Variants in EML1 observed in about 807,000 individuals in gnomAD.
EML1 encodes echinoderm microtubule-associated protein-like 1.
A neutral mutation model predicts 110.4 loss-of-function variants in EML1; 27 were observed. The observed-to-expected ratio is 0.24, with a 90% confidence interval of 0.18 to 0.34. The LOEUF (loss-of-function observed/expected upper bound fraction) is 0.34, where lower values mean the gene tolerates loss of function less well. EML1 is among the 10% of genes least tolerant of loss of function. The pLI is 1.00. For missense variants in EML1, 741 were observed against 1,030.9 expected, an observed-to-expected ratio of 0.72 and a Z score of 3.85; for synonymous variants, 344 against 385.8, an observed-to-expected ratio of 0.89 and a Z score of 1.27.
chr14:99,786,020 G>A (rs907578141), intron 1 of EML1, among the ~76,000 whole-genome samples: 1 of 147,178 alleles, frequency 6.8e-6, no homozygotes, highest in Non-Finnish European at 1.5e-5. Flanking sequence ...GCTAGTTCAC[G>A]GAAGTTCAAC....
At chr14:99,795,855 C>T (rs2057761290) in intron 1 of EML1, among the ~76,000 whole-genome samples, 1 of 152,134 alleles carries the variant, frequency 6.6e-6, no homozygotes, top group South Asian at 2.1e-4. Context: ...ATCATGGTTA[C>T]AGCTTTAGAA....
chr14:99,836,869 C>G (rs1045155572), intron 1 of EML1, among the ~76,000 whole-genome samples: 1 of 152,072 alleles, frequency 6.6e-6, no homozygotes, highest in African/African-American at 2.4e-5. Context: ...TAGTCTTGGG[C>G]AACATCCTCT....
chr14:99,848,089 CCT>C (rs2058734157), intron 1 of EML1, among the ~76,000 whole-genome samples: 1 of 151,532 alleles, frequency 6.6e-6, no homozygotes, highest in Non-Finnish European at 1.5e-5. Flanking sequence ...CTTTTTTGTA[CCT>C]CTGTTACTCT....
At chr14:99,847,352 TTTTG>T (rs942174441) in intron 1 of EML1, among the ~76,000 whole-genome samples, 3 of 152,158 alleles carry the variant, frequency 2.0e-5, no homozygotes, top group African/African-American at 7.2e-5. Context: ...TGTACTGGTT[TTTTG>T]TTTGTTTGTT....
intron 8 of EML1, among the ~76,000 whole-genome samples, chr14:99,900,244 A>G (rs1192226896): frequency 2.2e-5 from 3 of 136,070 alleles, no homozygotes; most frequent in Non-Finnish European, 4.6e-5. Context: ...GCTGGAGTGC[A>G]GTAGTGCAAT....
At chr14:99,868,832 T>G (rs2059146337) in intron 3 of EML1, among the ~76,000 whole-genome samples, 1 of 152,194 alleles carries the variant, frequency 6.6e-6, no homozygotes, top group South Asian at 2.1e-4. Context: ...ATCTTTATTA[T>G]TTCCTTCGCT....
chr14:99,793,189 A>G, upstream of EML1: 1 of 300,500 alleles, frequency 3.3e-6, no homozygotes, highest in Non-Finnish European at 4.8e-6. Context: ...CCCGCGGGGA[A>G]AGAGGCCGCA....
chr14:99,911,848 T>C (rs946025601), intron 13 of EML1, among the ~76,000 whole-genome samples: 2 of 152,194 alleles, frequency 1.3e-5, no homozygotes, highest in Admixed American at 6.5e-5. Context: ...CATTTTGATT[T>C]ATTATAAAAA....
At chr14:99,852,658 T>A (rs1213255233) in intron 2 of EML1, among the ~76,000 whole-genome samples, 2 of 152,204 alleles carry the variant, frequency 1.3e-5, no homozygotes, top group African/African-American at 2.4e-5. Flanking sequence ...ATTTAACAAA[T>A]TATTTCACAG....
chr14:99,850,406 A>G, intron 1 of EML1: 2 of 1,218,984 alleles, frequency 1.6e-6, no homozygotes, highest in Non-Finnish European at 2.2e-6. Context: ...CAGAGTCTTG[A>G]CCGATGGATA....
chr14:99,834,196 GGATTACATT>G (rs1566889002), intron 1 of EML1, among the ~76,000 whole-genome samples: 1 of 151,844 alleles, frequency 6.6e-6, no homozygotes, highest in Non-Finnish European at 1.5e-5. Context: ...CTGTAAATAC[GGATTACATT>G]GATATTTGAA....
At chr14:99,832,344 CA>C (rs2058471271) in intron 1 of EML1, among the ~76,000 whole-genome samples, 1 of 152,112 alleles carries the variant, frequency 6.6e-6, no homozygotes, top group Non-Finnish European at 1.5e-5. Flanking sequence ...CTGCTTTTAA[CA>C]TTTGTGTCCA....
intron 1 of EML1, among the ~76,000 whole-genome samples, chr14:99,778,997 GTGTTT>G (rs1293135574): frequency 6.6e-6 from 1 of 152,180 alleles, no homozygotes; most frequent in Non-Finnish European, 1.5e-5. Flanking sequence ...TTTGGTGGTG[GTGTTT>G]TGTTTTGTTT....
rs560753888 is a variant in EML1 at position 99,778,920 on chromosome 14, C to G, written c.-27+4907C>G. Among the ~76,000 whole-genome samples the G allele has an allele frequency of 1.6e-4, 24 of 152,290 alleles. No individual in the cohort carries two copies. The East Asian group carries it at 4.6e-3, about 29-fold the overall frequency. ...AGCTTTTTGAATGTTTTCCTATCCC[C>G]AGTGTTCTAAAACATCTGGTGCATA... On this transcript the variant is annotated intron_variant, in intron 1 of 22. Coordinates refer to the EML1 transcript ENST00000327921.
intron 2 of EML1, among the ~76,000 whole-genome samples, chr14:99,858,978 T>A (rs1049477426): frequency 2.0e-5 from 3 of 152,230 alleles, no homozygotes; most frequent in African/African-American, 7.2e-5. Context: ...GTGATGTAAG[T>A]TAAAAGCATT....
intron 1 of EML1, among the ~76,000 whole-genome samples, chr14:99,753,766 CT>C (rs1168789143): frequency 6.6e-6 from 1 of 152,172 alleles, no homozygotes; most frequent in East Asian, 1.9e-4. Context: ...GCCATTCTTC[CT>C]TTAGAAAGTG....
intron 1 of EML1, among the ~76,000 whole-genome samples, chr14:99,839,872 G>A (rs1457951063): frequency 1.3e-5 from 2 of 152,184 alleles, no homozygotes; most frequent in Admixed American, 6.5e-5. Flanking sequence ...GTTCCTAACT[G>A]ACCCAGATGA....
chr14:99,916,061 A>G (rs774278035), intron 15 of EML1, among the ~76,000 whole-genome samples: 1 of 152,172 alleles, frequency 6.6e-6, no homozygotes, highest in Non-Finnish European at 1.5e-5. Context: ...TATATGTTCT[A>G]CCTATGCCCT....
chr14:99,737,805 G>A lies in EML1; in HGVS notation c.-28G>A. On this transcript the variant is annotated 5_prime_UTR_variant, in exon 1 of 11. Coordinates refer to the EML1 transcript ENST00000554479. ...GCTCTGAGTGACCCTGCAGGCTGGT[G>A]GCCAGCCGGCCGCCCATCTTCCACA... 2.3e-6 allele frequency: 3 copies of A among 1,289,236 alleles called. No homozygotes were observed. In the South Asian group the frequency reaches 3.7e-5, roughly 16 times the overall value. The allele number at this position is 1,289,236 out of a possible 1,614,324, so 79.9% of individuals were successfully genotyped here. A position where few individuals can be genotyped will look rare whatever the true frequency, so the allele number is the denominator to read the frequency against.
Sources: allele counts gnomAD v4.1 joint callset (sites outside exome capture counted in the v4.1 genomes callset), GRCh38; gene constraint gnomAD v4.1.1; transcripts MANE v1.5; gene names NCBI Gene and HGNC (gene_info 2026-07-23, HGNC 2026-07-21).